Variants in CDH13 observed in about 807,000 individuals in gnomAD.
The protein encoded by CDH13 is cadherin-13.
In CDH13, 24 loss-of-function variants were observed where a neutral mutation model predicts 63.8. The observed-to-expected ratio is 0.38, with a 90% CI of 0.27 to 0.53. The LOEUF is 0.53. Ranked by LOEUF, CDH13 falls within the 20% of genes least tolerant of loss-of-function variation. CDH13 has a pLI of 0.85. For missense variants in CDH13, 1,049 were observed against 903.1 expected (o/e 1.16, Z -2.07); for synonymous variants, 503 against 355.3 (o/e 1.42, Z -4.67).
chr16:83,176,312 C>G (rs1259539192), intron 4 of CDH13, among the ~76,000 whole-genome samples: 1 of 151,756 alleles, frequency 6.6e-6, no homozygotes, highest in Non-Finnish European at 1.5e-5. Flanking sequence ...GAGTTCGAGA[C>G]CAGCCTGGGC....
chr16:82,879,277 G>C (rs773145439), intron 2 of CDH13, among the ~76,000 whole-genome samples: 2 of 151,798 alleles, frequency 1.3e-5, no homozygotes, highest in African/African-American at 2.4e-5. Context: ...CTGCACTTTA[G>C]GTTTCTTTTT....
At chr16:83,196,901 C>A (rs1179249820) in intron 4 of CDH13, among the ~76,000 whole-genome samples, 1 of 152,150 alleles carries the variant, frequency 6.6e-6, no homozygotes, top group Non-Finnish European at 1.5e-5. Flanking sequence ...TAAAACTAGA[C>A]ACGCACTTAC....
At chr16:83,692,020 A>C (rs1295468167) in intron 10 of CDH13, among the ~76,000 whole-genome samples, 2 of 152,050 alleles carry the variant, frequency 1.3e-5, no homozygotes, top group African/African-American at 4.8e-5. Context: ...ACCCAAAGAA[A>C]TTCACACTCA....
At chr16:82,943,808 C>CA (rs1219720882) in intron 2 of CDH13, among the ~76,000 whole-genome samples, 5 of 152,230 alleles carry the variant, frequency 3.3e-5, no homozygotes, top group African/African-American at 1.2e-4. Context: ...GGAAACAAGA[C>CA]AAAATGCTAT....
chr16:82,683,882 T>C (rs1357832184), intron 1 of CDH13, among the ~76,000 whole-genome samples: 1 of 152,258 alleles, frequency 6.6e-6, no homozygotes, highest in Non-Finnish European at 1.5e-5. Flanking sequence ...GGTTTTGTTT[T>C]CTGTGTTGAT....
At chr16:82,705,070 G>A (rs1343281505) in intron 1 of CDH13, 1 of 446,940 alleles carries the variant, frequency 2.2e-6, no homozygotes, top group Non-Finnish European at 4.5e-6. Context: ...AGACACCAGT[G>A]AGGCCTACCA....
intron 1 of CDH13, among the ~76,000 whole-genome samples, chr16:82,691,364 G>A (rs1915627230): frequency 6.6e-6 from 1 of 152,182 alleles, no homozygotes; most frequent in African/African-American, 2.4e-5. Flanking sequence ...CATGTGGCAG[G>A]TGGGACTTGA....
intron 8 of CDH13, among the ~76,000 whole-genome samples, chr16:83,668,657 G>T (rs768309790): frequency 1.3e-5 from 2 of 152,212 alleles, no homozygotes; most frequent in African/African-American, 4.8e-5. Context: ...AAGCCATGGG[G>T]ATCTAAGGTG....
chr16:83,273,279 C>A (rs570524582), intron 5 of CDH13, among the ~76,000 whole-genome samples: 1 of 151,946 alleles, frequency 6.6e-6, no homozygotes, highest in Non-Finnish European at 1.5e-5. Context: ...ATTTTGTCAT[C>A]CACGTACTAA....
chr16:83,001,708 G>A (rs933593038), intron 2 of CDH13, among the ~76,000 whole-genome samples: 1 of 152,284 alleles, frequency 6.6e-6, no homozygotes, highest in East Asian at 1.9e-4. Context: ...TTACACCTAC[G>A]GATGATTGGC....
rs534580886 is a variant in CDH13 at position 83,228,333 on chromosome 16, G to A, written c.636+10836G>A. On this transcript the variant is annotated intron_variant, in intron 5 of 13. Coordinates refer to ENST00000567109, the MANE Select transcript of CDH13 (RefSeq NM_001257.5). Reference sequence around the variant, plus strand: ...GCCGTGCTCTGCAGGCTCCTTGCATGGCGTTGGCCACTCAGAGGGTCTAAA... The same window carrying A: ...GCCGTGCTCTGCAGGCTCCTTGCATAGCGTTGGCCACTCAGAGGGTCTAAA... 2.0e-5 allele frequency among the ~76,000 whole-genome samples: 3 copies of A among 152,324 alleles called. No homozygotes were observed. In the South Asian group the frequency reaches 6.2e-4, roughly 32 times the overall value.
chr16:82,978,187 A>G (rs72792104), intron 2 of CDH13, among the ~76,000 whole-genome samples: 17,898 of 152,222 alleles, frequency 0.12, 1,315 homozygotes, highest in East Asian at 0.17. Context: ...ATTCAGTTTT[A>G]TGTATTCATA....
intron 13 of CDH13, among the ~76,000 whole-genome samples, chr16:83,793,474 A>G (rs905715477): frequency 4.6e-5 from 7 of 152,142 alleles, no homozygotes; most frequent in African/African-American, 1.4e-4. Context: ...AACGCACACT[A>G]TGCTGATGTC....
chr16:82,964,397 T>C (rs1907504340), intron 2 of CDH13, among the ~76,000 whole-genome samples: 1 of 152,188 alleles, frequency 6.6e-6, no homozygotes, highest in South Asian at 2.1e-4. Flanking sequence ...CAGTTGGGGA[T>C]TCTGTGACAG....
At chr16:83,348,540 G>C (rs960994636) in intron 6 of CDH13, among the ~76,000 whole-genome samples, 1 of 152,178 alleles carries the variant, frequency 6.6e-6, no homozygotes, top group Non-Finnish European at 1.5e-5. Context: ...CCTGGGGCTT[G>C]GTTTAGCGTT....
chr16:83,743,974 C>T (rs868099283), intron 10 of CDH13, among the ~76,000 whole-genome samples: 36 of 152,012 alleles, frequency 2.4e-4, no homozygotes, highest in Middle Eastern at 6.8e-3. Flanking sequence ...AGCTCTGTCT[C>T]TTATTAACTG....
At chr16:82,697,885 C>G (rs955127714) in intron 1 of CDH13, among the ~76,000 whole-genome samples, 5 of 152,096 alleles carry the variant, frequency 3.3e-5, no homozygotes, top group South Asian at 4.2e-4. Context: ...AGCTGTGGAA[C>G]TATACTGTTT....
chr16:82,704,931 C>T (rs967154196), intron 1 of CDH13: 2 of 331,330 alleles, frequency 6.0e-6, no homozygotes, highest in African/African-American at 2.2e-5. Context: ...AAATCAAGCC[C>T]GGGATATTGA....
chr16:83,125,674 G>C (rs1216163622), intron 4 of CDH13, among the ~76,000 whole-genome samples, 173 bp downstream of exon 4: 1 of 152,216 alleles, frequency 6.6e-6, no homozygotes, highest in African/African-American at 2.4e-5. Flanking sequence ...ATATGCAAAA[G>C]AGGAAATTGG....
Sources: allele counts gnomAD v4.1 joint callset (sites outside exome capture counted in the v4.1 genomes callset), GRCh38; gene constraint gnomAD v4.1.1; transcripts MANE v1.5; gene names NCBI Gene and HGNC (gene_info 2026-07-23, HGNC 2026-07-21).